Variants in CCNG1 observed in about 807,000 individuals in gnomAD.
The protein encoded by CCNG1 is cyclin-G1.
A neutral mutation model predicts 30.0 loss-of-function variants in CCNG1; 13 were observed. That is an observed-to-expected ratio of 0.43 (90% confidence interval 0.28 to 0.69). The LOEUF (loss-of-function observed/expected upper bound fraction) is 0.69. Among genes scored for constraint, CCNG1 ranks in the 30% least tolerant of loss-of-function variants. The pLI, the probability that CCNG1 is intolerant of heterozygous loss-of-function variation, is 0.16. For synonymous variants in CCNG1, 110 were observed against 121.5 expected (o/e 0.91, Z 0.62); for missense variants, 285 against 331.4 (o/e 0.86, Z 1.09).
the CCNG1 span, chr5:163,453,282 T>C: frequency 6.6e-6 from 1 of 152,198 alleles, no homozygotes. Flanking sequence ...ACAATCAAAA[T>C]GATGCCACTG....
At chr5:163,443,092 G>A (rs1456530346) in intron 6 of CCNG1, among the ~76,000 whole-genome samples, 2 of 152,102 alleles carry the variant, frequency 1.3e-5, no homozygotes, top group Non-Finnish European at 2.9e-5. Flanking sequence ...GGCGGATCAC[G>A]AGGTCAGGAG....
chr5:163,446,236 T>A (rs774302959), downstream of CCNG1: 1 of 151,438 alleles, frequency 6.6e-6, no homozygotes, highest in Non-Finnish European at 1.5e-5. Flanking sequence ...TTTACAATTA[T>A]GAGACATCCT....
the CCNG1 span, chr5:163,453,806 T>C: frequency 2.3e-6 from 1 of 428,244 alleles, no homozygotes; most frequent in African/African-American, 2.0e-5. Flanking sequence ...GTACATTTCC[T>C]ATGTAAATTA....
At chr5:163,457,631 G>A in the CCNG1 span, 1 of 1,489,754 alleles carries the variant, frequency 6.7e-7, no homozygotes, top group Non-Finnish European at 9.3e-7. Context: ...AACATATAAG[G>A]TGCTAAAAAT....
At chr5:163,446,589 G>T (rs970508553), downstream of CCNG1, 3 of 152,148 alleles carry the variant, frequency 2.0e-5, no homozygotes, top group Admixed American at 6.5e-5. Flanking sequence ...CTGTCATCAT[G>T]ATCATAGAAT....
chr5:163,453,029 G>GA, the CCNG1 span: 1 of 152,160 alleles, frequency 6.6e-6, no homozygotes, highest in African/African-American at 2.4e-5. Context: ...TAAATTTCCT[G>GA]ATTCTAATGG....
chr5:163,457,215 T>G, the CCNG1 span: 2 of 897,322 alleles, frequency 2.2e-6, no homozygotes, highest in South Asian at 4.1e-5. Flanking sequence ...CACTGAAACC[T>G]CCGCCCCCCG....
the CCNG1 span, chr5:163,451,499 C>G: frequency 1.3e-5 from 2 of 152,032 alleles, no homozygotes; most frequent in Non-Finnish European, 2.9e-5. Context: ...ATTCACCAAA[C>G]CATACACCAA....
chr5:163,443,116 T>C (rs1178985701), intron 6 of CCNG1, among the ~76,000 whole-genome samples: 1 of 152,078 alleles, frequency 6.6e-6, no homozygotes, highest in African/African-American at 2.4e-5. Context: ...GAGACCATCC[T>C]GGCCAACATG....
At position 163,441,257 on chromosome 5, in the gene CCNG1, A is replaced by G; in HGVS notation, c.444A>G (p.Lys148=). The G allele has an allele frequency of 6.2e-7, 1 of 1,614,036 alleles. No homozygotes were observed. Among genetic ancestry groups the G allele is most frequent in the Non-Finnish European group, 8.5e-7 (1 of 1,179,896 alleles). The part of the protein sequence containing the change: ...EKIVLEKVCW[K]VKATTAFQFL... ...TTGTATTGGAGAAGGTGTGTTGGAA[A>G]GTCAAAGCTACTACTGCCTTTCAAT... The change falls in exon 3 of 7, where the codon AAA becomes AAG. Residue 148 remains lysine (K), a synonymous_variant. Coordinates refer to ENST00000340828, the MANE Select transcript of CCNG1 (RefSeq NM_004060.4).
chr5:163,449,181 G>C (rs1021417515), downstream of CCNG1: 6 of 150,520 alleles, frequency 4.0e-5, no homozygotes, highest in African/African-American at 1.5e-4. Flanking sequence ...ACAAAATCAG[G>C]CAAGAAAAAT....
the CCNG1 span, chr5:163,453,225 GAATAA>G: frequency 6.6e-6 from 1 of 152,134 alleles, no homozygotes; most frequent in Non-Finnish European, 1.5e-5. Context: ...ATAGGATATT[GAATAA>G]AATGTCTATA....
At chr5:163,450,470 ACT>A (rs1758150664), downstream of CCNG1, 1 of 152,182 alleles carries the variant, frequency 6.6e-6, no homozygotes, top group Admixed American at 6.5e-5. Flanking sequence ...ATATATAAAG[ACT>A]CTTACTACCC....
rs1041752723 is a variant in CCNG1, at chr5:163,443,488, T to C, written c.*4-186T>C. ...AAACTTGCTTTCTGCATATGTGATATACATTCTTGCCATATAAATTTCCTA... is the reference window on the plus strand; with the variant it reads ...AAACTTGCTTTCTGCATATGTGATACACATTCTTGCCATATAAATTTCCTA... On this transcript the variant is annotated intron_variant, in intron 6 of 6. Transcript: ENST00000340828. Among the ~76,000 whole-genome samples, 12 of 152,194 alleles carry C rather than the reference T, an allele frequency of 7.9e-5. 1 individual carries two copies. Among genetic ancestry groups the C allele is most frequent in the Admixed American group, 3.3e-4 (5 of 15,274 alleles).
the CCNG1 span, among the ~76,000 whole-genome samples, chr5:163,455,691 G>A: frequency 6.6e-6 from 1 of 150,828 alleles, no homozygotes; most frequent in Non-Finnish European, 1.5e-5. Context: ...GGGAATCCGG[G>A]AGGCGGAGCT....
At chr5:163,454,967 G>T in the CCNG1 span, among the ~76,000 whole-genome samples, 1 of 152,166 alleles carries the variant, frequency 6.6e-6, no homozygotes, top group African/African-American at 2.4e-5. Context: ...AAATATGTTA[G>T]GCTTTGCAGT....
At chr5:163,438,622 A>T (rs1280584027) in intron 1 of CCNG1, among the ~76,000 whole-genome samples, 4 of 152,242 alleles carry the variant, frequency 2.6e-5, no homozygotes, top group African/African-American at 4.8e-5. Flanking sequence ...CTTAACTACC[A>T]TCTGCTTTTC....
chr5:163,457,603 A>G, the CCNG1 span: 1 of 1,583,182 alleles, frequency 6.3e-7, no homozygotes, highest in Non-Finnish European at 8.7e-7. Context: ...AGAATCAAAG[A>G]GTTTGCCCTG....
chr5:163,440,085 C>T (rs1045848091), intron 2 of CCNG1, among the ~76,000 whole-genome samples: 1 of 151,468 alleles, frequency 6.6e-6, no homozygotes, highest in Non-Finnish European at 1.5e-5. Flanking sequence ...TTAACTGTTA[C>T]AAATGCATCT....
Sources: allele counts gnomAD v4.1 joint callset (sites outside exome capture counted in the v4.1 genomes callset), GRCh38; gene constraint gnomAD v4.1.1; transcripts MANE v1.5; gene names NCBI Gene and HGNC (gene_info 2026-07-23, HGNC 2026-07-21).